Variants in RUNDC3B observed in about 807,000 individuals in gnomAD.
RUNDC3B encodes RUN domain containing 3B.
In RUNDC3B, 33 loss-of-function variants were observed where a neutral mutation model predicts 58.4. The ratio of observed to expected loss-of-function variants is 0.56; its 90% CI spans 0.43 to 0.75. The LOEUF (loss-of-function observed/expected upper bound fraction) is 0.75, where lower values mean the gene tolerates loss of function less well. Among genes scored for constraint, RUNDC3B ranks in the 30% least tolerant of loss-of-function variants. The pLI, the probability that RUNDC3B is intolerant of heterozygous loss-of-function variation, is 0.00. For synonymous variants in RUNDC3B, 193 were observed against 195.2 expected (o/e 0.99, Z 0.10); for missense variants, 501 against 535.7 (o/e 0.94, Z 0.64).
intron 10 of RUNDC3B, among the ~76,000 whole-genome samples, chr7:87,817,174 C>A (rs908691253): frequency 1.3e-5 from 2 of 152,178 alleles, no homozygotes; most frequent in African/African-American, 2.4e-5. Flanking sequence ...AGATTCTATT[C>A]TTTCTCCTTA....
chr7:87,728,426 C>T (rs896900933), intron 4 of RUNDC3B, among the ~76,000 whole-genome samples: 4 of 152,114 alleles, frequency 2.6e-5, no homozygotes, highest in African/African-American at 9.7e-5. Context: ...AAAACAATAC[C>T]AATTATTATT....
intron 2 of RUNDC3B, among the ~76,000 whole-genome samples, chr7:87,677,026 T>G (rs1826438823): frequency 6.6e-6 from 1 of 152,030 alleles, no homozygotes; most frequent in African/African-American, 2.4e-5. Context: ...ACTCTATTGG[T>G]GGGAATGTAG....
intron 8 of RUNDC3B, among the ~76,000 whole-genome samples, chr7:87,801,017 TG>T (rs1260034344): frequency 6.6e-6 from 1 of 152,188 alleles, no homozygotes; most frequent in East Asian, 1.9e-4. Flanking sequence ...ATTTTGTGCA[TG>T]ATACAAAATT....
intron 4 of RUNDC3B, among the ~76,000 whole-genome samples, chr7:87,731,745 A>C (rs886273721): frequency 1.3e-5 from 2 of 152,250 alleles, no homozygotes; most frequent in Admixed American, 6.5e-5. Context: ...TGCACCCAAC[A>C]ATGGAGCACA....
chr7:87,685,486 T>C (rs1191251119), intron 2 of RUNDC3B, among the ~76,000 whole-genome samples: 1 of 151,716 alleles, frequency 6.6e-6, no homozygotes, highest in African/African-American at 2.4e-5. Context: ...GTTCATACAC[T>C]GGACAAACTC....
chr7:87,690,579 G>T (rs1348257657), intron 2 of RUNDC3B, among the ~76,000 whole-genome samples: 4 of 152,074 alleles, frequency 2.6e-5, no homozygotes, highest in African/African-American at 9.7e-5. Context: ...GTTAAAAGAT[G>T]AAAAATGCTG....
intron 1 of RUNDC3B, among the ~76,000 whole-genome samples, chr7:87,632,438 G>T (rs1194687147): frequency 6.6e-6 from 1 of 152,108 alleles, no homozygotes; most frequent in African/African-American, 2.4e-5. Context: ...AAAAACATTT[G>T]CATAGTCCTT....
chr7:87,691,817 A>G (rs959556127), intron 2 of RUNDC3B, among the ~76,000 whole-genome samples: 1 of 152,200 alleles, frequency 6.6e-6, no homozygotes, highest in Non-Finnish European at 1.5e-5. Context: ...GGTCCTGCCT[A>G]TCTCCTAAGG....
intron 7 of RUNDC3B, among the ~76,000 whole-genome samples, chr7:87,772,969 A>C (rs1584167829): frequency 6.6e-6 from 1 of 152,158 alleles, no homozygotes; most frequent in East Asian, 1.9e-4. Context: ...ATCATTAAAC[A>C]TAGACATTAA....
intron 10 of RUNDC3B, among the ~76,000 whole-genome samples, chr7:87,820,214 C>T (rs1263325528): frequency 3.9e-5 from 6 of 152,002 alleles, no homozygotes; most frequent in Admixed American, 2.0e-4. Context: ...ATATCACCAC[C>T]GATCTCACAG....
chr7:87,802,747 G>A (rs1263583908), intron 8 of RUNDC3B, among the ~76,000 whole-genome samples: 1 of 152,138 alleles, frequency 6.6e-6, no homozygotes, highest in Non-Finnish European at 1.5e-5. Flanking sequence ...GCTCACGCCT[G>A]TAATCCCAGC....
chr7:87,671,378 G>A (rs985294093), intron 2 of RUNDC3B, among the ~76,000 whole-genome samples: 3 of 152,128 alleles, frequency 2.0e-5, no homozygotes, highest in Non-Finnish European at 2.9e-5. Flanking sequence ...CTACTTGCTC[G>A]GTAGCTCTGG....
At chr7:87,712,768 A>G (rs1830202464) in intron 4 of RUNDC3B, among the ~76,000 whole-genome samples, 1 of 152,104 alleles carries the variant, frequency 6.6e-6, no homozygotes, top group South Asian at 2.1e-4. Context: ...ACCATACATA[A>G]ACATACAGTC....
At chr7:87,816,643 A>T (rs781683387) in intron 10 of RUNDC3B, among the ~76,000 whole-genome samples, 8 of 152,158 alleles carry the variant, frequency 5.3e-5, no homozygotes, top group African/African-American at 1.4e-4. Flanking sequence ...ACAACTGACC[A>T]CTTCCTCATT....
rs1834883922 is a variant in RUNDC3B, at chr7:87,780,834, G to T, written c.956+2879G>T. On this transcript the variant is annotated intron_variant, in intron 8 of 10. Transcript: ENST00000394654. ...TCTAGGTTCTCTGTTCTGTTCCATT[G>T]GACTTTGTGTCTATTTGTGTAACAG... 2.0e-5 allele frequency among the ~76,000 whole-genome samples: 3 copies of T among 152,106 alleles called. No individual in the cohort carries two copies. The South Asian group carries it at 6.2e-4, about 32-fold the overall frequency.
intron 2 of RUNDC3B, among the ~76,000 whole-genome samples, chr7:87,652,935 T>G (rs1157287067): frequency 1.3e-5 from 2 of 151,970 alleles, no homozygotes; most frequent in Admixed American, 6.6e-5. Flanking sequence ...ATTTTTGAAG[T>G]AAAAGGACAT....
chr7:87,701,278 G>T (rs950131190), intron 3 of RUNDC3B, among the ~76,000 whole-genome samples: 16 of 152,266 alleles, frequency 1.1e-4, no homozygotes, highest in African/African-American at 3.4e-4. Context: ...AAAGAAGAAA[G>T]AAGTGAGCCT....
At chr7:87,788,386 G>A (rs1015081758) in intron 8 of RUNDC3B, among the ~76,000 whole-genome samples, 53 of 152,120 alleles carry the variant, frequency 3.5e-4, no homozygotes, top group African/African-American at 1.3e-3. Context: ...CCAAAACAAA[G>A]AGAAAAAGAT....
intron 1 of RUNDC3B, among the ~76,000 whole-genome samples, chr7:87,648,421 T>C (rs1823243916): frequency 6.6e-6 from 1 of 151,946 alleles, no homozygotes; most frequent in Non-Finnish European, 1.5e-5. Flanking sequence ...GAAGTGACAC[T>C]GACAGAACAC....
Sources: allele counts gnomAD v4.1 joint callset (sites outside exome capture counted in the v4.1 genomes callset), GRCh38; gene constraint gnomAD v4.1.1; transcripts MANE v1.5; gene names NCBI Gene and HGNC (gene_info 2026-07-23, HGNC 2026-07-21).